The following PTCHD4 variants were observed in gnomAD, a reference collection of about 807,000 sequenced individuals.
PTCHD4 encodes patched domain-containing protein 4.
In PTCHD4, 33 loss-of-function variants were observed where a neutral mutation model predicts 58.1. The ratio of observed to expected loss-of-function variants is 0.57; its 90% CI spans 0.43 to 0.76. PTCHD4 has a LOEUF of 0.76. Among genes scored for constraint, PTCHD4 ranks in the 30% least tolerant of loss-of-function variants. The probability of loss-of-function intolerance (pLI) is 0.00; values close to 1 mark genes in which losing one functional copy is unlikely to be tolerated. For synonymous variants in PTCHD4, 478 were observed against 409.6 expected (o/e 1.17, Z -2.02); for missense variants, 1,058 against 1,027.1 (o/e 1.03, Z -0.41).
chr6:48,009,138 C>A, intron 3 of PTCHD4, 24 bp from the exon 4 acceptor site: 1 of 1,575,274 alleles, frequency 6.3e-7, no homozygotes, highest in South Asian at 1.2e-5. Context: ...AAAGAAGAGA[C>A]TTCAGTTACG....
intron 1 of PTCHD4, among the ~76,000 whole-genome samples, chr6:48,084,587 C>A (rs559790164): frequency 6.6e-6 from 1 of 152,272 alleles, no homozygotes; most frequent in South Asian, 2.1e-4. Context: ...GAAATGACTA[C>A]TGAAATATAC....
At chr6:47,884,499 C>T (rs779884245) in intron 4 of PTCHD4, among the ~76,000 whole-genome samples, 7 of 152,194 alleles carry the variant, frequency 4.6e-5, no homozygotes, top group African/African-American at 7.2e-5. Context: ...AGTGTCCACC[C>T]CAAAGACACT....
intron 1 of PTCHD4, among the ~76,000 whole-genome samples, chr6:48,107,431 C>A (rs1170738512): frequency 6.6e-6 from 1 of 152,110 alleles, no homozygotes; most frequent in Non-Finnish European, 1.5e-5. Flanking sequence ...CTTCCTTACA[C>A]CTTATACAAA....
In PTCHD4 at chr6:47,874,329, G is replaced by A. The variant is rs1177403946; in HGVS notation, c.*3974C>T. Among the ~76,000 whole-genome samples the A allele has an allele frequency of 2.0e-5, 3 of 151,698 alleles. No homozygotes were observed. Among genetic ancestry groups the A allele is most frequent in the Non-Finnish European group, 4.4e-5 (3 of 67,792 alleles). ...CATGAGGCATTTATGAATAGGTGAT[G>A]TAAGAAATTTTAATAAAAGTTGCAA... On this transcript the variant is annotated 3_prime_UTR_variant, in exon 5 of 5. Transcript: ENST00000339488.
chr6:47,974,087 A>C lies in PTCHD4; in HGVS notation c.898+34547T>G, dbSNP rs113590379. Among the ~76,000 whole-genome samples, 687 of 152,348 alleles carry C rather than the reference A, an allele frequency of 4.5e-3. 6 individuals are homozygous for C. Among genetic ancestry groups the C allele is most frequent in the African/African-American group, 0.015 (644 of 41,588 alleles). ...TATGAGCTGACTGCACATGAAGAGA[A>C]GACATAAAGAAGAAGACGGGAATGA... On this transcript the variant is annotated intron_variant, in intron 4 of 4. Coordinates refer to ENST00000339488, the MANE Select transcript of PTCHD4 (RefSeq NM_001384253.1).
chr6:47,940,390 C>T (rs549990983), intron 4 of PTCHD4, among the ~76,000 whole-genome samples: 1 of 152,156 alleles, frequency 6.6e-6, no homozygotes, highest in African/African-American at 2.4e-5. Context: ...TTTCACCTCC[C>T]CACAGTGGAT....
At chr6:47,923,801 A>G (rs1765506944) in intron 4 of PTCHD4, among the ~76,000 whole-genome samples, 1 of 152,228 alleles carries the variant, frequency 6.6e-6, no homozygotes, top group Non-Finnish European at 1.5e-5. Flanking sequence ...TTAGTTGCAT[A>G]GGTTAAATAG....
At chr6:48,049,456 C>T (rs554039930) in intron 3 of PTCHD4, among the ~76,000 whole-genome samples, 1 of 152,070 alleles carries the variant, frequency 6.6e-6, no homozygotes, top group South Asian at 2.1e-4. Flanking sequence ...ATAATGCACT[C>T]ATGTGTTTAA....
At position 47,987,190 on chromosome 6, in the gene PTCHD4, C is replaced by T. The variant is rs936784196; in HGVS notation, c.898+21444G>A. On this transcript the variant is annotated intron_variant, in intron 4 of 4. Coordinates refer to ENST00000339488, the MANE Select transcript of PTCHD4 (RefSeq NM_001384253.1). ...TAAATATTAACATTAAGAACATACA[C>T]ATGCATATTTGAAAAAGACTCAAAT... Among the ~76,000 whole-genome samples, 4 of 137,660 alleles carry T rather than the reference C, an allele frequency of 2.9e-5. No homozygotes were observed. In the East Asian group the frequency reaches 8.5e-4, roughly 29 times the overall value. The allele number at this position is 137,660 out of a possible 152,430, so 90.3% of individuals were successfully genotyped here. A position where few individuals can be genotyped will look rare whatever the true frequency, so the allele number is the denominator to read the frequency against.
chr6:47,933,836 T>C (rs1765911145), intron 4 of PTCHD4, among the ~76,000 whole-genome samples: 2 of 152,182 alleles, frequency 1.3e-5, no homozygotes, highest in Non-Finnish European at 2.9e-5. Flanking sequence ...TACCTGATTA[T>C]ATTATTGTTA....
intron 1 of PTCHD4, among the ~76,000 whole-genome samples, chr6:48,082,333 TG>T: frequency 6.6e-6 from 1 of 152,212 alleles, no homozygotes; most frequent in Non-Finnish European, 1.5e-5. Context: ...ATTCAAGCTC[TG>T]GCCTATTTGG....
intron 1 of PTCHD4, among the ~76,000 whole-genome samples, chr6:48,110,135 G>A (rs1011760340): frequency 3.3e-5 from 5 of 152,216 alleles, no homozygotes; most frequent in Admixed American, 2.6e-4. Context: ...TGAAATCAGC[G>A]TGTCCAAGAG....
chr6:48,089,078 G>T (rs919037659), intron 1 of PTCHD4, among the ~76,000 whole-genome samples: 2 of 152,024 alleles, frequency 1.3e-5, no homozygotes, highest in Non-Finnish European at 2.9e-5. Flanking sequence ...AGGAATGGGG[G>T]TAATCATTAC....
chr6:47,876,863 C>T lies in PTCHD4; in HGVS notation c.*1440G>A, dbSNP rs1763862054. Among the ~76,000 whole-genome samples the T allele has an allele frequency of 6.6e-6, 1 of 151,914 alleles. No homozygotes were observed. The highest frequency in any genetic ancestry group is 2.4e-5 in the African/African-American group (1 of 41,392). The stretch of plus-strand genomic sequence containing the variant: ...ACTTTAACTTAATGAAAACATTTAC[C>T]TCAGTACTTTTGTTTGAGAAAGAAT... On this transcript the variant is annotated 3_prime_UTR_variant, in exon 5 of 5. Coordinates refer to ENST00000339488, the MANE Select transcript of PTCHD4 (RefSeq NM_001384253.1).
At chr6:47,888,403 AGAG>A (rs1287823112) in intron 4 of PTCHD4, among the ~76,000 whole-genome samples, 7 of 152,184 alleles carry the variant, frequency 4.6e-5, no homozygotes, top group African/African-American at 1.7e-4. Flanking sequence ...TGCAAAGAAA[AGAG>A]GAAATAATTA....
intron 4 of PTCHD4, among the ~76,000 whole-genome samples, chr6:47,964,404 A>T (rs1191192314): frequency 6.6e-6 from 1 of 152,156 alleles, no homozygotes; most frequent in Non-Finnish European, 1.5e-5. Flanking sequence ...CTGGAGAATC[A>T]CATATAAGCC....
At chr6:48,082,461 G>C (rs554465270) in intron 1 of PTCHD4, among the ~76,000 whole-genome samples, 12 of 152,102 alleles carry the variant, frequency 7.9e-5, no homozygotes, top group African/African-American at 2.9e-4. Context: ...TTCTTAAACA[G>C]ATGAAACCAC....
rs1764939469 is a variant in PTCHD4, at chr6:48,069,777, G to A, written c.-820C>T. 6.6e-6 allele frequency among the ~76,000 whole-genome samples: 1 copy of A among 152,168 alleles called. No individual in the cohort carries two copies. Among genetic ancestry groups the A allele is most frequent in the Non-Finnish European group, 1.5e-5 (1 of 68,024 alleles). Reference sequence around the variant, plus strand: ...TATTCTTGAGATTAAAGGACAGAAAGTTCCTAAAGCTGATTTCAGTCCCCT... The same window carrying A: ...TATTCTTGAGATTAAAGGACAGAAAATTCCTAAAGCTGATTTCAGTCCCCT... On this transcript the variant is annotated 5_prime_UTR_variant, in exon 2 of 5. Transcript: ENST00000339488.
chr6:48,106,520 C>A (rs555312989), intron 1 of PTCHD4, among the ~76,000 whole-genome samples: 17 of 151,916 alleles, frequency 1.1e-4, no homozygotes, highest in Middle Eastern at 3.4e-3. Flanking sequence ...AAACTGGAAG[C>A]ATTCCCTTTG....
Sources: gnomAD v4.1 joint callset for allele counts (sites outside exome capture counted in the v4.1 genomes callset) on GRCh38, gnomAD v4.1.1 for gene constraint, MANE v1.5 for transcripts, NCBI Gene and HGNC (gene_info 2026-07-23, HGNC 2026-07-21) for gene names.